EFHC2: variants seen among roughly 807,000 people sequenced by gnomAD.
EFHC2 encodes EF-hand domain-containing family member C2.
Under a neutral mutation model 52.7 loss-of-function variants are expected in EFHC2, and 18 were observed. The observed-to-expected ratio is 0.34, with a 90% confidence interval of 0.24 to 0.51. EFHC2 has a LOEUF of 0.51. EFHC2 is among the 20% of genes least tolerant of loss of function. EFHC2 has a pLI of 0.97. For synonymous variants in EFHC2, 203 were observed against 204.1 expected, an observed-to-expected ratio of 0.99 and a Z score of 0.04; for missense variants, 513 against 562.5, an observed-to-expected ratio of 0.91 and a Z score of 0.89.
chrX:44,298,505 G>A (rs979415325), intron 2 of EFHC2, among the ~76,000 whole-genome samples: 14 of 111,626 alleles, frequency 1.3e-4, no homozygotes, highest in African/African-American at 4.6e-4. Flanking sequence ...TCTAGACGGT[G>A]TCTGGGGTGG....
chrX:44,150,870 G>A (rs181939830), intron 14 of EFHC2, among the ~76,000 whole-genome samples: 253 of 111,249 alleles, frequency 2.3e-3, no homozygotes, highest in Non-Finnish European at 4.1e-3. Flanking sequence ...TTGGAAATAG[G>A]GTTTTTGCAG....
intron 14 of EFHC2, among the ~76,000 whole-genome samples, chrX:44,158,101 C>A (rs2036622433): frequency 9.0e-6 from 1 of 111,292 alleles, no homozygotes; most frequent in African/African-American, 3.3e-5. Context: ...CTGACCTCTC[C>A]CTTCTCACCC....
intron 4 of EFHC2, among the ~76,000 whole-genome samples, chrX:44,257,454 A>G (rs1272645698): frequency 1.8e-5 from 2 of 112,166 alleles, no homozygotes; most frequent in Non-Finnish European, 1.9e-5. Flanking sequence ...CTCAGGGTAC[A>G]AAATCGATGT....
At chrX:44,330,066 T>C (rs2038076774) in intron 1 of EFHC2, among the ~76,000 whole-genome samples, 1 of 66,724 alleles carries the variant, frequency 1.5e-5, no homozygotes, top group Admixed American at 2.2e-4. Context: ...CTGGGCAACA[T>C]GGTAAAACCC....
chrX:44,164,442 C>A (rs2036680846), intron 13 of EFHC2, among the ~76,000 whole-genome samples: 1 of 112,100 alleles, frequency 8.9e-6, no homozygotes, highest in Non-Finnish European at 1.9e-5. Flanking sequence ...CCTTTTAAAT[C>A]TTTAAGGCAA....
At position 44,215,503 on chromosome X, in the gene EFHC2, T is replaced by C. The variant is rs6609288; in HGVS notation, c.1751+14146A>G. 4.1e-3 allele frequency among the ~76,000 whole-genome samples: 416 copies of C among 101,927 alleles called. 13 individuals carry two copies. In the East Asian group the frequency reaches 0.099, roughly 24 times the overall value. The allele number at this position is 101,927 out of a possible 115,157, so 88.5% of individuals were successfully genotyped here. ...ATCAAGACATTCAACTCCTATGTGTTTACTCAAGAGAAAGCATACTTCCAT... is the reference window on the plus strand; with the variant it reads ...ATCAAGACATTCAACTCCTATGTGTCTACTCAAGAGAAAGCATACTTCCAT... On this transcript the variant is annotated intron_variant, in intron 11 of 14. Transcript: ENST00000420999.
At chrX:44,220,952 G>T (rs2037188997) in intron 11 of EFHC2, among the ~76,000 whole-genome samples, 1 of 111,775 alleles carries the variant, frequency 8.9e-6, no homozygotes, top group East Asian at 2.8e-4. Context: ...AGTGGAAAAT[G>T]AGAGTACCTG....
intron 11 of EFHC2, among the ~76,000 whole-genome samples, chrX:44,181,292 T>C (rs1398691764): frequency 1.8e-5 from 2 of 110,465 alleles, no homozygotes; most frequent in Non-Finnish European, 3.8e-5. Context: ...TAAAAAAAAG[T>C]ATTTCCATTT....
chrX:44,152,725 TACACACACAC>T (rs3037406), intron 14 of EFHC2, among the ~76,000 whole-genome samples: 29 of 99,431 alleles, frequency 2.9e-4, no homozygotes, highest in Admixed American at 1.4e-3. Flanking sequence ...AGTAAACCAT[TACACACACAC>T]ACACACACAC....
At chrX:44,174,535 ATGGATATGG>A (rs1272723347) in intron 13 of EFHC2, among the ~76,000 whole-genome samples, 6 of 108,058 alleles carry the variant, frequency 5.6e-5, no homozygotes, top group African/African-American at 2.0e-4. Flanking sequence ...ACAGAGCTTC[ATGGATATGG>A]TGCCACTTGA....
intron 11 of EFHC2, 109 bp from the exon 12 acceptor site, chrX:44,178,673 C>A: frequency 1.5e-6 from 1 of 646,036 alleles, no homozygotes; most frequent in South Asian, 3.5e-5. Flanking sequence ...CTTTTACCAA[C>A]TGTACAGAGG....
At chrX:44,219,523 G>A (rs1369049929) in intron 11 of EFHC2, among the ~76,000 whole-genome samples, 2 of 111,379 alleles carry the variant, frequency 1.8e-5, no homozygotes, top group Non-Finnish European at 3.8e-5. Context: ...GTGTGACAAA[G>A]CAAGTAAAGT....
chrX:44,302,087 C>CA (rs1258062263), intron 2 of EFHC2, among the ~76,000 whole-genome samples: 2 of 111,531 alleles, frequency 1.8e-5, no homozygotes, highest in African/African-American at 6.5e-5. Context: ...AAGAAACTGT[C>CA]AAACTGTCTT....
chrX:44,239,131 T>G (rs1490117617), intron 8 of EFHC2, among the ~76,000 whole-genome samples: 1 of 111,877 alleles, frequency 8.9e-6, no homozygotes, highest in Non-Finnish European at 1.9e-5. Flanking sequence ...TGGGGAAACA[T>G]TTTTAAAAGA....
chrX:44,277,041 C>T (rs1049239661), intron 2 of EFHC2, among the ~76,000 whole-genome samples: 2 of 110,542 alleles, frequency 1.8e-5, no homozygotes, highest in African/African-American at 6.6e-5. Flanking sequence ...GGGCGGATCA[C>T]GAGGTCAGGA....
intron 2 of EFHC2, among the ~76,000 whole-genome samples, chrX:44,288,869 A>G (rs1383154523): frequency 8.9e-6 from 1 of 112,376 alleles, no homozygotes. Context: ...AGTCAATACT[A>G]CAAATGTGTC....
At chrX:44,213,601 G>A (rs187068123) in intron 11 of EFHC2, among the ~76,000 whole-genome samples, 14 of 112,357 alleles carry the variant, frequency 1.2e-4, no homozygotes, top group South Asian at 3.7e-4. Flanking sequence ...AAAGAGGTAC[G>A]TTATTATCTC....
chrX:44,309,723 C>G, intron 2 of EFHC2: 1 of 974,672 alleles, frequency 1.0e-6, no homozygotes, highest in Non-Finnish European at 1.5e-6. Context: ...TGAGGCCAGG[C>G]ATCGGTCCTC....
At chrX:44,240,380 G>C (rs1458560755) in intron 8 of EFHC2, among the ~76,000 whole-genome samples, 1 of 111,950 alleles carries the variant, frequency 8.9e-6, no homozygotes, top group Non-Finnish European at 1.9e-5. Context: ...ACCATCTACA[G>C]TCAGTGTTCT....
Sources: allele counts gnomAD v4.1 joint callset (sites outside exome capture counted in the v4.1 genomes callset), GRCh38; gene constraint gnomAD v4.1.1; transcripts MANE v1.5; gene names NCBI Gene and HGNC (gene_info 2026-07-23, HGNC 2026-07-21).